The following PRKN variants were observed in gnomAD, a reference collection of about 807,000 sequenced individuals.
PRKN encodes the protein E3 ubiquitin-protein ligase parkin.
A neutral mutation model predicts 59.5 loss-of-function variants in PRKN; 56 were observed. That is an observed-to-expected ratio of 0.94 (90% CI 0.76 to 1.18). The LOEUF (loss-of-function observed/expected upper bound fraction) is 1.18. PRKN is among the 50% of genes most tolerant of loss of function. The pLI is 0.00. For missense variants in PRKN, 657 were observed against 596.4 expected, an observed-to-expected ratio of 1.10 and a Z score of -1.06; for synonymous variants, 250 against 222.1, an observed-to-expected ratio of 1.13 and a Z score of -1.12.
At chr6:162,258,528 G>A (rs1779750857) in intron 3 of PRKN, among the ~76,000 whole-genome samples, 1 of 109,242 alleles carries the variant, frequency 9.2e-6, no homozygotes, top group Non-Finnish European at 1.7e-5. Flanking sequence ...TATTGAAAAT[G>A]TAGTAAAAAT....
chr6:161,816,387 A>G, intron 6 of PRKN, among the ~76,000 whole-genome samples: 1 of 152,098 alleles, frequency 6.6e-6, no homozygotes, highest in East Asian at 1.9e-4. Context: ...GAGAGAATCC[A>G]AAGAAACCTG....
chr6:162,236,908 G>A (rs1778755077), intron 3 of PRKN, among the ~76,000 whole-genome samples: 6 of 151,418 alleles, frequency 4.0e-5, no homozygotes, highest in Admixed American at 4.0e-4. Context: ...GGGAAGGAAG[G>A]AAGGAAGGAG....
intron 2 of PRKN, among the ~76,000 whole-genome samples, chr6:162,403,273 G>A (rs1787889411): frequency 6.6e-6 from 1 of 151,936 alleles, no homozygotes; most frequent in Middle Eastern, 3.2e-3. Flanking sequence ...GCGAATGCTT[G>A]CCCCCTTGGA....
chr6:162,643,821 A>G (rs575653203), intron 1 of PRKN: 14 of 152,288 alleles, frequency 9.2e-5, no homozygotes, highest in African/African-American at 3.1e-4. Context: ...CAATTTAATA[A>G]TTTAGTTCAG....
At position 162,424,476 on chromosome 6, in the gene PRKN, T is replaced by C. The variant is rs529561806; in HGVS notation, c.171+18834A>G. On this transcript the variant is annotated intron_variant, in intron 2 of 11. Coordinates refer to ENST00000366898, the MANE Select transcript of PRKN (RefSeq NM_004562.3). ...GTGTGCCGGGCGTGGTGGCTCACGCTTGTAATCCCAGCACTTTGGGAGGCC... is the reference window on the plus strand; with the variant it reads ...GTGTGCCGGGCGTGGTGGCTCACGCCTGTAATCCCAGCACTTTGGGAGGCC... Among the ~76,000 whole-genome samples the C allele has an allele frequency of 3.9e-5, 6 of 152,094 alleles. No individual in the cohort carries two copies. In the East Asian group the frequency reaches 1.2e-3, roughly 29 times the overall value.
intron 2 of PRKN, among the ~76,000 whole-genome samples, chr6:162,424,162 G>A (rs997564307): frequency 1.3e-5 from 2 of 152,156 alleles, no homozygotes; most frequent in Non-Finnish European, 2.9e-5. Context: ...ATGAAGAGGC[G>A]ACTTTATGAT....
intron 4 of PRKN, among the ~76,000 whole-genome samples, chr6:162,170,698 T>G (rs1392089295): frequency 6.6e-6 from 1 of 152,148 alleles, no homozygotes; most frequent in Non-Finnish European, 1.5e-5. Flanking sequence ...TAGATGCTGG[T>G]CACGATTAAT....
intron 1 of PRKN, among the ~76,000 whole-genome samples, chr6:162,679,780 A>C (rs929010517): frequency 1.3e-5 from 2 of 152,096 alleles, no homozygotes; most frequent in African/African-American, 2.4e-5. Flanking sequence ...GGAAGGAAAA[A>C]CTGTGGTGTG....
At chr6:162,559,030 A>T (rs1205174196) in intron 1 of PRKN, among the ~76,000 whole-genome samples, 1 of 151,776 alleles carries the variant, frequency 6.6e-6, no homozygotes, top group Non-Finnish European at 1.5e-5. Context: ...AGGTGCCTGT[A>T]GTCCCAGCTA....
Position 161,691,359 on chromosome 6 carries a change from G to T in PRKN, c.871+94413C>A, listed in dbSNP as rs748302745. Among the ~76,000 whole-genome samples the T allele has an allele frequency of 9.5e-4, 144 of 152,328 alleles. 1 individual carries two copies. Among genetic ancestry groups the T allele is most frequent in the Middle Eastern group, 3.4e-3 (1 of 294 alleles). ...TCACCCGGGTTTGCCAGGCTTCATGGCAGGTTCAGTTCTACTTTTACTATA... is the reference window on the plus strand; with the variant it reads ...TCACCCGGGTTTGCCAGGCTTCATGTCAGGTTCAGTTCTACTTTTACTATA... On this transcript the variant is annotated intron_variant, in intron 7 of 11. Transcript: ENST00000366898.
chr6:161,680,757 A>ATG (rs1785307812), intron 7 of PRKN, among the ~76,000 whole-genome samples: 1 of 14,164 alleles, frequency 7.1e-5, no homozygotes, highest in African/African-American at 2.5e-4. Context: ...ATATATATAT[A>ATG]TATATATATA....
At chr6:162,292,246 G>C (rs557658428) in intron 2 of PRKN, among the ~76,000 whole-genome samples, 31 of 152,220 alleles carry the variant, frequency 2.0e-4, no homozygotes, top group Admixed American at 8.5e-4. Flanking sequence ...TTACAGGTGT[G>C]AGCCACTGCG....
chr6:162,129,614 T>C, intron 4 of PRKN, among the ~76,000 whole-genome samples: 1 of 152,100 alleles, frequency 6.6e-6, no homozygotes, highest in Non-Finnish European at 1.5e-5. Context: ...TGCCACTTCA[T>C]TAGAGGGTGG....
chr6:161,805,368 G>A (rs1293936269), intron 6 of PRKN, among the ~76,000 whole-genome samples: 4 of 152,024 alleles, frequency 2.6e-5, no homozygotes, highest in African/African-American at 9.7e-5. Context: ...ACATCTGGAA[G>A]CGTTCTTCTG....
chr6:162,670,381 T>C (rs1008560939), intron 1 of PRKN, among the ~76,000 whole-genome samples: 2 of 152,222 alleles, frequency 1.3e-5, no homozygotes, highest in African/African-American at 4.8e-5. Context: ...GACCCTTCAC[T>C]GGAATGTCTC....
chr6:161,863,825 G>A (rs1433026881), intron 6 of PRKN, among the ~76,000 whole-genome samples: 1 of 152,160 alleles, frequency 6.6e-6, no homozygotes, highest in African/African-American at 2.4e-5. Context: ...GCAATAAAGT[G>A]AGTCCCATGA....
At chr6:162,656,695 T>G (rs1397845909) in intron 1 of PRKN, among the ~76,000 whole-genome samples, 1 of 152,152 alleles carries the variant, frequency 6.6e-6, no homozygotes, top group Non-Finnish European at 1.5e-5. Flanking sequence ...CATATAATCT[T>G]ATGACCACCA....
At chr6:161,735,256 C>G (rs1367121490) in intron 7 of PRKN, among the ~76,000 whole-genome samples, 1 of 152,060 alleles carries the variant, frequency 6.6e-6, no homozygotes, top group African/African-American at 2.4e-5. Context: ...CTCTGCCACC[C>G]CTGAGACAGC....
intron 1 of PRKN, among the ~76,000 whole-genome samples, chr6:162,525,687 A>G (rs1461447589): frequency 1.3e-5 from 2 of 152,134 alleles, no homozygotes; most frequent in South Asian, 2.1e-4. Flanking sequence ...TTCACTTCAT[A>G]TTTTTAGGAT....
Sources: gnomAD v4.1 joint callset for allele counts (sites outside exome capture counted in the v4.1 genomes callset) on GRCh38, gnomAD v4.1.1 for gene constraint, MANE v1.5 for transcripts, NCBI Gene and HGNC (gene_info 2026-07-23, HGNC 2026-07-21) for gene names.